The following CHD5 variants were observed in gnomAD, a reference collection of about 807,000 sequenced individuals.
CHD5 encodes the protein ATP-dependent chromatin remodeler CHD5.
Under a neutral mutation model 230.3 loss-of-function variants are expected in CHD5, and 69 were observed. That is an observed-to-expected ratio of 0.30 (90% CI 0.25 to 0.37). The LOEUF is 0.37. Among genes scored for constraint, CHD5 ranks in the 10% least tolerant of loss-of-function variants. The probability of loss-of-function intolerance (pLI) is 1.00; values close to 1 mark genes in which losing one functional copy is unlikely to be tolerated. For missense variants in CHD5, 1,827 were observed against 2,622.8 expected (o/e 0.70, Z 6.63); for synonymous variants, 1,064 against 1,065.9 (o/e 1.00, Z 0.03).
chr1:6,145,955 C>G (rs768557858), intron 11 of CHD5, among the ~76,000 whole-genome samples: 1 of 152,154 alleles, frequency 6.6e-6, no homozygotes, highest in African/African-American at 2.4e-5. Flanking sequence ...ATGAGGGTCC[C>G]GACGCCCCAG....
Position 6,134,977 on chromosome 1 carries a change from G to C in CHD5, c.2871-118C>G. On this transcript the variant is annotated intron_variant, in intron 18 of 41. Coordinates refer to ENST00000262450, the MANE Select transcript of CHD5 (RefSeq NM_015557.3). This position sits in a 1 kb window ranked among gnomAD's most constrained non-coding sequence, Gnocchi z 6.3. The stretch of plus-strand genomic sequence containing the variant: ...AGCACCCATTTACAGAGAGACCCAA[G>C]GGACCCCCAAGAGGTGAAGCCACCG... 7.4e-7 allele frequency: 1 copy of C among 1,347,684 alleles called. No individual in the cohort carries two copies. 83.5% of individuals were successfully genotyped at this position (1,347,684 alleles called of 1,614,324 possible). A position where few individuals can be genotyped will look rare whatever the true frequency, so the allele number is the denominator to read the frequency against.
At position 6,142,191 on chromosome 1, in the gene CHD5, C is replaced by T. The variant is rs1200598045; in HGVS notation, c.2373G>A (p.Arg791=). ...TGDKESRSVI[R]ENEFSFEDNA... is the part of the protein sequence containing the mutation. ...TGTCCTCAAAGGAAAACTCGTTCTC[C>T]CGAATCACCGAGCGGCTCTCCTTGT... Residue 791 remains arginine, a synonymous_variant, in exon 15 of 42, where the codon CGG becomes CGA. Transcript: ENST00000262450. This position sits in a 1 kb window ranked among gnomAD's most constrained non-coding sequence, Gnocchi z 5.2. 2 of 1,614,084 alleles carry T rather than the reference C, an allele frequency of 1.2e-6. No individual in the cohort carries two copies. Among genetic ancestry groups the T allele is most frequent in the African/African-American group, 2.7e-5 (2 of 74,940 alleles).
intron 3 of CHD5, among the ~76,000 whole-genome samples, chr1:6,158,653 C>T (rs960677672): frequency 2.0e-5 from 3 of 151,864 alleles, no homozygotes; most frequent in Admixed American, 6.6e-5. Context: ...ACAGGCTGGG[C>T]GCAGTGGCTC....
In CHD5 at chr1:6,126,846, C is replaced by A. The variant is rs183932409; in HGVS notation, c.3904-100G>T. ...TGACCTGCCCTTTGCCCCCTCAGGG[C>A]TCAAGGATTAATGGGATGGCCTGCC... is the stretch of plus-strand genomic sequence containing the variant. On this transcript the variant is annotated intron_variant, in intron 25 of 41. Coordinates refer to ENST00000262450, the MANE Select transcript of CHD5 (RefSeq NM_015557.3). The surrounding 1 kb of genome is among the most constrained non-coding windows in gnomAD (Gnocchi z 5.7). 848 of 1,120,696 alleles carry A rather than the reference C, an allele frequency of 7.6e-4. 5 individuals are homozygous for A. In the African/African-American group the frequency reaches 0.012, roughly 15 times the overall value. The allele number at this position is 1,120,696 out of a possible 1,614,324, so 69.4% of individuals were successfully genotyped here.
chr1:6,162,525 T>A (rs1667194022), intron 2 of CHD5, among the ~76,000 whole-genome samples: 1 of 152,106 alleles, frequency 6.6e-6, no homozygotes, highest in Non-Finnish European at 1.5e-5. Flanking sequence ...TCTCCAGGGC[T>A]GGGCCGCCTT....
chr1:6,166,457 C>A (rs1667256489), intron 2 of CHD5, among the ~76,000 whole-genome samples: 1 of 151,960 alleles, frequency 6.6e-6, no homozygotes. Context: ...GAGGTGCTGA[C>A]TGCCGCCCCC....
intron 38 of CHD5, among the ~76,000 whole-genome samples, chr1:6,107,972 T>TG (rs1666221525): frequency 9.6e-6 from 1 of 104,384 alleles, no homozygotes; most frequent in South Asian, 3.4e-4. Context: ...GATGGAAGGA[T>TG]GGAGGGATGA....
At chr1:6,127,947 C>A in intron 25 of CHD5, 99 bp downstream of exon 25, 1 of 930,918 alleles carries the variant, frequency 1.1e-6, no homozygotes, top group African/African-American at 3.4e-5. Context: ...CTGGCTGCGG[C>A]GGGAGGGCGG....
At position 6,134,009 on chromosome 1, in the gene CHD5, C is replaced by G. The variant is rs1666698478; in HGVS notation, c.3144+119G>C. ...GACCCCTGACACACAGTCACATGAC[C>G]CACATGGGAACGGCACTGGGCCCTG... is the stretch of plus-strand genomic sequence containing the variant. On this transcript the variant is annotated intron_variant, in intron 20 of 41. Coordinates refer to ENST00000262450, the MANE Select transcript of CHD5 (RefSeq NM_015557.3). This position sits in a 1 kb window ranked among gnomAD's most constrained non-coding sequence, Gnocchi z 6.3. 4 of 963,212 alleles carry G rather than the reference C, an allele frequency of 4.2e-6. No homozygotes were observed. In the South Asian group the frequency reaches 6.2e-5, roughly 15 times the overall value. 59.7% of individuals were successfully genotyped at this position (963,212 alleles called of 1,614,324 possible). A position where few individuals can be genotyped will look rare whatever the true frequency, so the allele number is the denominator to read the frequency against.
Position 6,146,159 on chromosome 1 carries a change from C to G in CHD5, c.1802+53G>C. 6.4e-7 allele frequency: 1 copy of G among 1,574,608 alleles called. No homozygotes were observed. The highest frequency in any genetic ancestry group is 8.7e-7 in the Non-Finnish European group (1 of 1,150,554). ...GCACCCATTTTACAGGGCAAAGAAG[C>G]TGACGTGGCCCGGCCCCAGCGATGG... On this transcript the variant is annotated intron_variant, in intron 11 of 41. Transcript: ENST00000262450. This position sits in a 1 kb window ranked among gnomAD's most constrained non-coding sequence, Gnocchi z 5.1.
intron 7 of CHD5, 91 bp from the exon 8 acceptor site, chr1:6,149,503 T>G (rs1666966927): frequency 7.5e-7 from 1 of 1,333,866 alleles, no homozygotes; most frequent in African/African-American, 1.5e-5. Flanking sequence ...AGGCACAGAG[T>G]AGATGTCTAA....
At chr1:6,153,293 G>A (rs142568473) in intron 5 of CHD5, among the ~76,000 whole-genome samples, 358 of 152,352 alleles carry the variant, frequency 2.3e-3, no homozygotes, top group Middle Eastern at 0.014. Flanking sequence ...CAGCTGGAGC[G>A]CGAGAGGAAA....
intron 20 of CHD5, among the ~76,000 whole-genome samples, chr1:6,133,773 C>A (rs1666694482): frequency 6.6e-6 from 1 of 152,226 alleles, no homozygotes; most frequent in Non-Finnish European, 1.5e-5. Context: ...CCCTCAGGGC[C>A]TATTGGAGAG....
intron 1 of CHD5, among the ~76,000 whole-genome samples, chr1:6,168,489 C>T (rs902550026): frequency 6.6e-6 from 1 of 152,224 alleles, no homozygotes; most frequent in Non-Finnish European, 1.5e-5. Flanking sequence ...CACCTCCAGG[C>T]CTTTCCTTCC....
chr1:6,143,611 C>T (rs1019835071), intron 13 of CHD5, among the ~76,000 whole-genome samples: 9 of 152,190 alleles, frequency 5.9e-5, no homozygotes, highest in African/African-American at 2.2e-4. Flanking sequence ...GGGTCTCCTC[C>T]CAGGTGAGAG....
Position 6,128,100 on chromosome 1 carries a change from C to T in CHD5, c.3849G>A (p.Glu1283=). 1 of 1,613,856 alleles carries T rather than the reference C, an allele frequency of 6.2e-7. No homozygotes were observed. Among genetic ancestry groups the T allele is most frequent in the South Asian group, 1.1e-5 (1 of 90,960 alleles). The stretch of plus-strand genomic sequence containing the variant: ...GCGCCACCTTGAAGGAGCTCAGGTA[C>T]TCGTTCATGTTCTGTAGCTCCGTGT... ...TDDTELQNMN[E]YLSSFKVAQY... Residue 1283 remains glutamate (E), a synonymous_variant, in exon 25 of 42, where the codon GAG becomes GAA. Transcript: ENST00000262450. The surrounding 1 kb of genome is among the most constrained non-coding windows in gnomAD (Gnocchi z 7.8).
At chr1:6,158,425 GT>G (rs1188109309) in intron 3 of CHD5, among the ~76,000 whole-genome samples, 1 of 152,200 alleles carries the variant, frequency 6.6e-6, no homozygotes, top group Non-Finnish European at 1.5e-5. Flanking sequence ...TCCATTTGTT[GT>G]TTTATTTTCC....
At chr1:6,161,334 G>A (rs1667174796) in intron 2 of CHD5, among the ~76,000 whole-genome samples, 1 of 152,126 alleles carries the variant, frequency 6.6e-6, no homozygotes, top group Admixed American at 6.5e-5. Flanking sequence ...GACGGTCACT[G>A]ACAGGGGAGG....
intron 9 of CHD5, among the ~76,000 whole-genome samples, 181 bp from the exon 10 acceptor site, chr1:6,147,052 C>G (rs943390796): frequency 6.6e-6 from 1 of 152,224 alleles, no homozygotes; most frequent in African/African-American, 2.4e-5. Flanking sequence ...GGGTCATGCA[C>G]ACAGGAGATG....
Sources: allele counts gnomAD v4.1 joint callset (sites outside exome capture counted in the v4.1 genomes callset), GRCh38; gene constraint gnomAD v4.1.1; non-coding constraint Gnocchi (gnomAD v3.1); transcripts MANE v1.5; gene names NCBI Gene and HGNC (gene_info 2026-07-23, HGNC 2026-07-21).